PHACTR4: variants seen among roughly 807,000 people sequenced by gnomAD.
PHACTR4 encodes the protein protein phosphatase 1, regulatory subunit 124.
PHACTR4 carries 51 observed loss-of-function variants against 72.7 expected under a neutral mutation model. The observed-to-expected ratio is 0.70, with a 90% CI of 0.56 to 0.89. The LOEUF (loss-of-function observed/expected upper bound fraction) is 0.89, where lower values mean the gene tolerates loss of function less well. Among genes scored for constraint, PHACTR4 ranks in the 40% least tolerant of loss-of-function variants. The pLI, the probability that PHACTR4 is intolerant of heterozygous loss-of-function variation, is 0.00. For missense variants in PHACTR4, 731 were observed against 861.8 expected (o/e 0.85, Z 1.90); for synonymous variants, 255 against 302.5 (o/e 0.84, Z 1.63).
chr1:28,408,714 C>T (rs933895895), intron 2 of PHACTR4, among the ~76,000 whole-genome samples: 5 of 151,074 alleles, frequency 3.3e-5, no homozygotes, highest in African/African-American at 4.9e-5. Context: ...CTCACTCTGT[C>T]GCCCAGGCTG....
chr1:28,444,596 T>C (rs1490260434), intron 2 of PHACTR4, among the ~76,000 whole-genome samples: 7 of 150,798 alleles, frequency 4.6e-5, no homozygotes, highest in African/African-American at 1.7e-4. Flanking sequence ...CCCATTTTTA[T>C]ATTATTTATT....
intron 2 of PHACTR4, chr1:28,453,757 TA>T (rs1557825319): frequency 3.8e-6 from 4 of 1,064,518 alleles, no homozygotes; most frequent in Non-Finnish European, 5.7e-6. Context: ...ATGAAGAAAT[TA>T]AAAAAAGAGG....
At chr1:28,486,951 C>T (rs1020637257) in intron 9 of PHACTR4, among the ~76,000 whole-genome samples, 3 of 151,822 alleles carry the variant, frequency 2.0e-5, no homozygotes, top group Admixed American at 6.6e-5. Context: ...TCACTTGAGC[C>T]CAGGAATTTG....
intron 8 of PHACTR4, among the ~76,000 whole-genome samples, chr1:28,477,491 A>G (rs1422262208): frequency 6.6e-6 from 1 of 151,744 alleles, no homozygotes; most frequent in Non-Finnish European, 1.5e-5. Context: ...ATTTTTATAG[A>G]TATATAATAG....
intron 2 of PHACTR4, among the ~76,000 whole-genome samples, chr1:28,442,249 G>A (rs1038940782): frequency 1.3e-5 from 2 of 151,768 alleles, no homozygotes; most frequent in African/African-American, 2.4e-5. Flanking sequence ...GGTGAATCAC[G>A]AGGTCAGGAG....
intron 4 of PHACTR4, among the ~76,000 whole-genome samples, chr1:28,460,659 T>C (rs1293930966): frequency 6.6e-6 from 1 of 152,094 alleles, no homozygotes; most frequent in East Asian, 1.9e-4. Context: ...CAGGCACCTG[T>C]CACCACCCCC....
chr1:28,392,345 C>T (rs1437157459), intron 1 of PHACTR4, among the ~76,000 whole-genome samples: 1 of 151,968 alleles, frequency 6.6e-6, no homozygotes, highest in Non-Finnish European at 1.5e-5. Flanking sequence ...TTAATAATGG[C>T]CCCAAAGTGC....
chr1:28,415,392 A>G (rs892299386), intron 2 of PHACTR4, among the ~76,000 whole-genome samples: 3 of 152,168 alleles, frequency 2.0e-5, no homozygotes, highest in African/African-American at 4.8e-5. Flanking sequence ...ACACCCCACT[A>G]CTTTCAAAAA....
chr1:28,463,234 T>C (rs1658933946), intron 4 of PHACTR4, among the ~76,000 whole-genome samples: 1 of 152,140 alleles, frequency 6.6e-6, no homozygotes, highest in African/African-American at 2.4e-5. Flanking sequence ...GGCTTGATTA[T>C]AGTGCTAACT....
At chr1:28,487,975 G>T (rs757739173) in intron 9 of PHACTR4, among the ~76,000 whole-genome samples, 39 of 151,804 alleles carry the variant, frequency 2.6e-4, no homozygotes, top group Admixed American at 9.9e-4. Flanking sequence ...GACCTCAGGT[G>T]ATCCACCTGC....
chr1:28,481,088 G>C (rs1435670834), intron 9 of PHACTR4, among the ~76,000 whole-genome samples: 2 of 151,944 alleles, frequency 1.3e-5, no homozygotes, highest in Non-Finnish European at 2.9e-5. Flanking sequence ...CTGGAGTGCA[G>C]TGGTTCAATC....
intron 2 of PHACTR4, among the ~76,000 whole-genome samples, chr1:28,436,784 C>T (rs532798010): frequency 1.5e-4 from 23 of 152,162 alleles, no homozygotes; most frequent in Admixed American, 1.1e-3. Flanking sequence ...AAGTTAGTTA[C>T]GGATAAAAAA....
chr1:28,391,926 C>G (rs1569797445), intron 1 of PHACTR4, among the ~76,000 whole-genome samples: 1 of 151,984 alleles, frequency 6.6e-6, no homozygotes, highest in South Asian at 2.1e-4. Flanking sequence ...ATATTCTGTA[C>G]CTGCAAATTG....
intron 6 of PHACTR4, among the ~76,000 whole-genome samples, chr1:28,471,284 G>GGTTGCAGTTAGCCGAGATGGCGCC (rs1659544031): frequency 1.3e-5 from 2 of 152,124 alleles, no homozygotes; most frequent in Non-Finnish European, 2.9e-5. Flanking sequence ...AGGAGGTGGA[G>GGTTGCAGTTAGCCGAGATGGCGCC]GTTGCAGTTA....
chr1:28,380,308 G>A (rs958624294), intron 1 of PHACTR4, among the ~76,000 whole-genome samples: 17 of 151,580 alleles, frequency 1.1e-4, no homozygotes, highest in South Asian at 4.2e-4. Context: ...CGCCCGCCTC[G>A]GCCTCCCAAA....
At chr1:28,476,772 C>CTTTTTTTTTTTTTTTTTTTTTTTTTTTT (rs35369238) in intron 8 of PHACTR4, among the ~76,000 whole-genome samples, 3 of 98,438 alleles carry the variant, frequency 3.0e-5, no homozygotes, top group African/African-American at 4.9e-5. Flanking sequence ...CTAGCCTGTT[C>CTTTTTTTTTTTTTTTTTTTTTTTTTTTT]TTTTTTTTTT....
chr1:28,410,777 C>G (rs1654726871), intron 2 of PHACTR4, among the ~76,000 whole-genome samples: 1 of 152,066 alleles, frequency 6.6e-6, no homozygotes, highest in Non-Finnish European at 1.5e-5. Flanking sequence ...CACAGTCTCA[C>G]TTCACTGCAA....
intron 2 of PHACTR4, among the ~76,000 whole-genome samples, chr1:28,426,150 G>A (rs892673996): frequency 1.3e-5 from 2 of 151,694 alleles, no homozygotes; most frequent in Non-Finnish European, 2.9e-5. Flanking sequence ...GAACCCGGGA[G>A]GCGGAGGTTG....
chr1:28,447,000 C>T (rs1028241006), intron 2 of PHACTR4, among the ~76,000 whole-genome samples: 2 of 135,806 alleles, frequency 1.5e-5, no homozygotes, highest in African/African-American at 7.0e-5. Flanking sequence ...TCAGGTATTT[C>T]TTTTTATTTA....
Sources: allele counts gnomAD v4.1 joint callset (sites outside exome capture counted in the v4.1 genomes callset), GRCh38; gene constraint gnomAD v4.1.1; transcripts MANE v1.5; gene names NCBI Gene and HGNC (gene_info 2026-07-23, HGNC 2026-07-21).